Variants in ST3GAL2 observed in about 807,000 individuals in gnomAD.
ST3GAL2 encodes the protein CMP-N-acetylneuraminate-beta-galactosamide-alpha-2,3-sialyltransferase 2.
In ST3GAL2, 16 loss-of-function variants were observed where a neutral mutation model predicts 37.5. The ratio of observed to expected loss-of-function variants is 0.43; its 90% CI spans 0.29 to 0.65. The LOEUF (loss-of-function observed/expected upper bound fraction) is 0.65. ST3GAL2 is among the 30% of genes least tolerant of loss of function. ST3GAL2 has a pLI of 0.17. For missense variants in ST3GAL2, 383 were observed against 487.8 expected (o/e 0.79, Z 2.02); for synonymous variants, 238 against 202.9 (o/e 1.17, Z -1.47).
At chr16:70,434,239 C>A (rs2047810050) in intron 1 of ST3GAL2, among the ~76,000 whole-genome samples, 1 of 152,118 alleles carries the variant, frequency 6.6e-6, no homozygotes, top group Admixed American at 6.6e-5. Flanking sequence ...GAGTTCGAGA[C>A]CAGCCTGGCC....
intron 1 of ST3GAL2, among the ~76,000 whole-genome samples, chr16:70,418,040 C>T (rs1283390510): frequency 9.2e-5 from 14 of 152,172 alleles, no homozygotes; most frequent in Admixed American, 9.2e-4. Flanking sequence ...TAATAAGGAG[C>T]CACTGAGGAG....
chr16:70,394,198 G>A (rs1567667997), intron 3 of ST3GAL2, among the ~76,000 whole-genome samples: 1 of 152,178 alleles, frequency 6.6e-6, no homozygotes, highest in East Asian at 1.9e-4. Flanking sequence ...TAGAGGTCTT[G>A]GGAATGAATG....
At chr16:70,404,437 G>A (rs1187230213) in intron 1 of ST3GAL2, among the ~76,000 whole-genome samples, 1 of 152,136 alleles carries the variant, frequency 6.6e-6, no homozygotes, top group African/African-American at 2.4e-5. Flanking sequence ...CTCAAGCACA[G>A]GAAAAGATGC....
intron 1 of ST3GAL2, among the ~76,000 whole-genome samples, chr16:70,416,497 T>C (rs527611381): frequency 6.6e-6 from 1 of 152,310 alleles, no homozygotes; most frequent in East Asian, 1.9e-4. Flanking sequence ...TGTACCACTG[T>C]AGCGCCTAGC....
chr16:70,388,678 G>GGTTGGAGTAT, intron 3 of ST3GAL2, 132 bp from the exon 4 acceptor site: 1 of 976,960 alleles, frequency 1.0e-6, no homozygotes, highest in East Asian at 2.7e-5. Flanking sequence ...TCCATTGCTA[G>GGTTGGAGTAT]AAATCTGCCC....
chr16:70,380,616 G>C lies in ST3GAL2; in HGVS notation c.*1073C>G, dbSNP rs549647375. 2 of 152,354 alleles carry C rather than the reference G, an allele frequency of 1.3e-5. No homozygotes were observed. Among genetic ancestry groups the C allele is most frequent in the Admixed American group, 1.3e-4 (2 of 15,282 alleles). The allele number at this position is 152,354 out of a possible 1,614,324, so 9.4% of individuals were successfully genotyped here. A position where few individuals can be genotyped will look rare whatever the true frequency, so the allele number is the denominator to read the frequency against. On this transcript the variant is annotated 3_prime_UTR_variant, in exon 7 of 7. Transcript: ENST00000342907. Reference sequence around the variant, plus strand: ...GCGGCGCGCAAGTCTCCTCTTCCCCGGCCGGCTCCCGGCTGCGAGCTCTGC... The same window carrying C: ...GCGGCGCGCAAGTCTCCTCTTCCCCCGCCGGCTCCCGGCTGCGAGCTCTGC...
At chr16:70,397,257 G>A (rs1597561713) in intron 2 of ST3GAL2, among the ~76,000 whole-genome samples, 1 of 151,060 alleles carries the variant, frequency 6.6e-6, no homozygotes, top group East Asian at 2.0e-4. Context: ...TGGTCAGGCT[G>A]GTCTCGAACT....
chr16:70,389,243 A>AAAAAAAAAAAAAAAC (rs2047465643), intron 3 of ST3GAL2, among the ~76,000 whole-genome samples: 1 of 133,104 alleles, frequency 7.5e-6, no homozygotes, highest in Non-Finnish European at 1.6e-5. Context: ...AAAAAAAAAA[A>AAAAAAAAAAAAAAAC]AGGTTACTAA....
chr16:70,380,022 C>T lies in ST3GAL2; in HGVS notation c.*1667G>A, dbSNP rs2047385167. On this transcript the variant is annotated 3_prime_UTR_variant, in exon 7 of 7. Coordinates refer to ENST00000342907, the MANE Select transcript of ST3GAL2 (RefSeq NM_006927.4). ...TTGGCATAATTGCATTGCTTTTCAT[C>T]AACACTCAAAACAGCCTCTTCAGGA... The T allele has an allele frequency of 6.6e-6, 1 of 152,136 alleles. No homozygotes were observed. Among genetic ancestry groups the T allele is most frequent in the Admixed American group, 6.6e-5 (1 of 15,266 alleles). 9.4% of individuals were successfully genotyped at this position (152,136 alleles called of 1,614,324 possible).
intron 1 of ST3GAL2, among the ~76,000 whole-genome samples, chr16:70,420,612 G>T (rs2047708518): frequency 6.6e-6 from 1 of 152,222 alleles, no homozygotes; most frequent in African/African-American, 2.4e-5. Flanking sequence ...CCTGGAAGGG[G>T]AATAACAGGG....
At chr16:70,415,271 C>T (rs987058048) in intron 1 of ST3GAL2, among the ~76,000 whole-genome samples, 2 of 152,104 alleles carry the variant, frequency 1.3e-5, no homozygotes, top group Non-Finnish European at 2.9e-5. Context: ...GGACCACCCC[C>T]CCGCCACAAT....
intron 1 of ST3GAL2, among the ~76,000 whole-genome samples, chr16:70,420,309 A>C (rs1388315149): frequency 6.6e-6 from 1 of 152,130 alleles, no homozygotes; most frequent in Admixed American, 6.5e-5. Flanking sequence ...TCATATTACA[A>C]GGCCTACATG....
At position 70,398,801 on chromosome 16, in the gene ST3GAL2, G is replaced by A; in HGVS notation, c.-271C>T. ...TCTCCGTCACTAGCTAGGCCACAGA[G>A]GCTCTGCCTCTCCTGCCACCCTGGT... On this transcript the variant is annotated 5_prime_UTR_variant, in exon 2 of 7. Transcript: ENST00000342907. The A allele has an allele frequency of 1.7e-6, 1 of 571,670 alleles. No homozygotes were observed. Among genetic ancestry groups the A allele is most frequent in the East Asian group, 2.8e-5 (1 of 35,384 alleles). The allele number at this position is 571,670 out of a possible 1,614,324, so 35.4% of individuals were successfully genotyped here.
rs1428380807 is a variant in ST3GAL2, at chr16:70,398,330, G to A, written c.201C>T (p.Gly67=). The A allele has an allele frequency of 6.2e-6, 10 of 1,613,340 alleles. No individual in the cohort carries two copies. Among genetic ancestry groups the A allele is most frequent in the Non-Finnish European group, 8.5e-6 (10 of 1,180,056 alleles). Residue 67 remains glycine (G), a synonymous_variant, in exon 2 of 7, where the codon GGC becomes GGT. Coordinates refer to ENST00000342907, the MANE Select transcript of ST3GAL2 (RefSeq NM_006927.4). ...TGCAGCGGCGACAGGCACAGCTCTT[G>A]CCCGAGAGCCTCTCCTTGCTGAGGC... ...LQRLSKERLS[G]KSCACRRCMG... is the part of the protein sequence containing the mutation.
intron 1 of ST3GAL2, among the ~76,000 whole-genome samples, chr16:70,438,329 G>A (rs1380955360): frequency 6.6e-6 from 1 of 152,198 alleles, no homozygotes; most frequent in Non-Finnish European, 1.5e-5. Flanking sequence ...AGGAACAGGA[G>A]AGAGGAGAGA....
intron 4 of ST3GAL2, among the ~76,000 whole-genome samples, chr16:70,388,049 T>C (rs1053278958): frequency 2.6e-5 from 4 of 151,428 alleles, no homozygotes; most frequent in Admixed American, 1.3e-4. Context: ...GAGGCGGATG[T>C]TGCAGTGAGC....
At chr16:70,408,049 A>G (rs950654588) in intron 1 of ST3GAL2, among the ~76,000 whole-genome samples, 3 of 152,096 alleles carry the variant, frequency 2.0e-5, no homozygotes, top group South Asian at 2.1e-4. Context: ...CCCAAAGCTC[A>G]TTCTAAAGGC....
chr16:70,398,896 C>A lies in ST3GAL2; in HGVS notation c.-366G>T. ...GCTGGCTGCCAGCTCTAGGGGTCCC[C>A]CTCTTTGGCGGCTTGAAATAATCCA... On this transcript the variant is annotated 5_prime_UTR_variant, in exon 2 of 7. Coordinates refer to ENST00000342907, the MANE Select transcript of ST3GAL2 (RefSeq NM_006927.4). The A allele has an allele frequency of 2.1e-6, 1 of 465,670 alleles. No homozygotes were observed. Among genetic ancestry groups the A allele is most frequent in the Non-Finnish European group, 3.8e-6 (1 of 265,854 alleles). 28.8% of individuals were successfully genotyped at this position (465,670 alleles called of 1,614,324 possible). A position where few individuals can be genotyped will look rare whatever the true frequency, so the allele number is the denominator to read the frequency against.
intron 1 of ST3GAL2, among the ~76,000 whole-genome samples, chr16:70,411,741 T>A (rs1269320867): frequency 6.6e-6 from 1 of 152,140 alleles, no homozygotes; most frequent in African/African-American, 2.4e-5. Context: ...ACACCTGTAA[T>A]CCCAGCACTT....
Sources: allele counts gnomAD v4.1 joint callset (sites outside exome capture counted in the v4.1 genomes callset), GRCh38; gene constraint gnomAD v4.1.1; transcripts MANE v1.5; gene names NCBI Gene and HGNC (gene_info 2026-07-23, HGNC 2026-07-21).